The following TTC28 variants were observed in gnomAD, a reference collection of about 807,000 sequenced individuals.
The protein encoded by TTC28 is tetratricopeptide repeat domain 28.
In TTC28, 61 loss-of-function variants were observed where a neutral mutation model predicts 198.0. The ratio of observed to expected loss-of-function variants is 0.31; its 90% CI spans 0.25 to 0.38. TTC28 has a LOEUF of 0.38. Among genes scored for constraint, TTC28 ranks in the 10% least tolerant of loss-of-function variants. The pLI, the probability that TTC28 is intolerant of heterozygous loss-of-function variation, is 1.00. For synonymous variants in TTC28, 1,171 were observed against 1,297.8 expected (o/e 0.90, Z 2.10); for missense variants, 2,678 against 3,164.0 (o/e 0.85, Z 3.69).
chr22:28,308,688 C>T (rs2045193275), intron 2 of TTC28, among the ~76,000 whole-genome samples: 1 of 152,128 alleles, frequency 6.6e-6, no homozygotes, highest in Non-Finnish European at 1.5e-5. Context: ...GTTTTGTTTT[C>T]TTAGAACGCT....
Position 28,531,624 on chromosome 22 carries a change from T to C in TTC28, c.381+97928A>G, listed in dbSNP as rs1222906500. ...AATATACATTCTTCTCAGCACCACATCACACTTATTCCAAAATTGACCACA... is the reference window on the plus strand; with the variant it reads ...AATATACATTCTTCTCAGCACCACACCACACTTATTCCAAAATTGACCACA... On this transcript the variant is annotated intron_variant, in intron 2 of 22. Transcript: ENST00000397906. 3.9e-5 allele frequency among the ~76,000 whole-genome samples: 6 copies of C among 152,208 alleles called. No individual in the cohort carries two copies. In the South Asian group the frequency reaches 1.0e-3, roughly 26 times the overall value.
intron 5 of TTC28, among the ~76,000 whole-genome samples, chr22:28,263,247 A>G (rs1423818224): frequency 6.6e-6 from 1 of 152,158 alleles, no homozygotes; most frequent in African/African-American, 2.4e-5. Flanking sequence ...ACATTCATTT[A>G]ATCTCTTTAA....
intron 1 of TTC28, among the ~76,000 whole-genome samples, chr22:28,657,671 G>C (rs566757561): frequency 2.0e-4 from 30 of 152,328 alleles, no homozygotes; most frequent in Admixed American, 7.8e-4. Context: ...TTGAGGTCAG[G>C]AGTTCAAGAC....
intron 12 of TTC28, among the ~76,000 whole-genome samples, chr22:28,048,755 T>C (rs1480434376): frequency 6.6e-6 from 1 of 152,020 alleles, no homozygotes; most frequent in African/African-American, 2.4e-5. Context: ...CTGCTCCATC[T>C]GAACCAAGCA....
intron 2 of TTC28, among the ~76,000 whole-genome samples, chr22:28,524,067 C>G (rs2048961564): frequency 6.6e-6 from 1 of 152,096 alleles, no homozygotes; most frequent in Non-Finnish European, 1.5e-5. Flanking sequence ...AAGGCAAATT[C>G]TGAGTAACTC....
chr22:28,284,008 C>T (rs566507514), intron 5 of TTC28, among the ~76,000 whole-genome samples: 1 of 152,236 alleles, frequency 6.6e-6, no homozygotes, highest in Admixed American at 6.5e-5. Flanking sequence ...CTCATAAGAA[C>T]CAAGGAGAGA....
intron 12 of TTC28, among the ~76,000 whole-genome samples, chr22:28,059,361 TAGTG>T (rs1569112696): frequency 6.6e-6 from 1 of 152,068 alleles, no homozygotes; most frequent in East Asian, 1.9e-4. Context: ...GATATTTTAG[TAGTG>T]TATTTAATTT....
At chr22:27,994,240 T>TC in intron 17 of TTC28, among the ~76,000 whole-genome samples, 1 of 151,988 alleles carries the variant, frequency 6.6e-6, no homozygotes, top group South Asian at 2.1e-4. Context: ...GTCCAGGAGT[T>TC]CAAGACAAGC....
At chr22:28,136,895 G>A (rs553812483) in intron 6 of TTC28, among the ~76,000 whole-genome samples, 1 of 152,268 alleles carries the variant, frequency 6.6e-6, no homozygotes, top group East Asian at 1.9e-4. Flanking sequence ...CTTTGCCGAG[G>A]AAGCTGGAAA....
intron 2 of TTC28, among the ~76,000 whole-genome samples, chr22:28,520,227 T>C (rs983408366): frequency 1.3e-4 from 20 of 152,144 alleles, no homozygotes; most frequent in Admixed American, 1.2e-3. Context: ...AAGATAATAA[T>C]GCTTATCCTT....
chr22:28,347,909 AT>A (rs1195978861), intron 2 of TTC28, among the ~76,000 whole-genome samples: 7 of 152,210 alleles, frequency 4.6e-5, no homozygotes, highest in Non-Finnish European at 1.0e-4. Context: ...TGTCTTACAT[AT>A]TTTGAGGAAG....
intron 2 of TTC28, among the ~76,000 whole-genome samples, chr22:28,416,719 G>C (rs2047172908): frequency 6.6e-6 from 1 of 152,128 alleles, no homozygotes; most frequent in Non-Finnish European, 1.5e-5. Flanking sequence ...ATTCGGGAAA[G>C]CATAGCACAC....
intron 5 of TTC28, among the ~76,000 whole-genome samples, chr22:28,276,381 A>G (rs968269964): frequency 2.0e-5 from 3 of 152,144 alleles, no homozygotes; most frequent in African/African-American, 7.2e-5. Context: ...TCATGACTAA[A>G]GTAATAGGAT....
Position 27,982,697 on chromosome 22 carries a change from G to C in TTC28, c.6970C>G (p.Leu2324Val). The C allele has an allele frequency of 6.4e-7, 1 of 1,551,704 alleles. No homozygotes were observed. Among genetic ancestry groups the C allele is most frequent in the Non-Finnish European group, 8.7e-7 (1 of 1,146,968 alleles). The change falls in exon 23 of 23, where the codon CTC becomes GTC. Residue 2324 changes from leucine (L) to valine (V), a missense_variant. By Grantham distance (32) the Leu-to-Val change is conservative. This residue lies in a region of TTC28 where 622 missense variants were observed against 656.0 expected (regional missense o/e 0.95). Coordinates refer to ENST00000397906, the MANE Select transcript of TTC28 (RefSeq NM_001145418.2). This position sits in a 1 kb window ranked among gnomAD's most constrained non-coding sequence, Gnocchi z 5.2. Reference sequence around the variant, plus strand: ...GCAGATCCAGCTGAGGAGTAGGAGAGAGCTGGGGAGGGTGCACTGCCAGCA... The same window carrying C: ...GCAGATCCAGCTGAGGAGTAGGAGACAGCTGGGGAGGGTGCACTGCCAGCA... ...SPAGSAPSPA[L>V]SYSSAGSARS...
At chr22:28,378,345 C>CAA (rs134525) in intron 2 of TTC28, among the ~76,000 whole-genome samples, 1,788 of 75,738 alleles carry the variant, frequency 0.024, 54 homozygotes, top group African/African-American at 0.082. Context: ...GACTCTGTCT[C>CAA]AAAAAAAAAA....
In TTC28 at chr22:28,264,289, T is replaced by C. The variant is rs574880523; in HGVS notation, c.933+31909A>G. ...CCTGCTGCCATGTAAGACATGCCCT[T>C]GCTCCTCCTTCACCTTCCACTATGA... On this transcript the variant is annotated intron_variant, in intron 5 of 22. Coordinates refer to ENST00000397906, the MANE Select transcript of TTC28 (RefSeq NM_001145418.2). Among the ~76,000 whole-genome samples, 27 of 152,242 alleles carry C rather than the reference T, an allele frequency of 1.8e-4. No individual in the cohort carries two copies. The South Asian group carries it at 3.7e-3, about 21-fold the overall frequency.
chr22:28,237,467 T>G (rs1929334036), intron 5 of TTC28, among the ~76,000 whole-genome samples: 5 of 152,184 alleles, frequency 3.3e-5, no homozygotes, highest in Admixed American at 3.3e-4. Context: ...CAGTCTACCT[T>G]TAAATAATAT....
chr22:28,339,154 G>T (rs1317130613), intron 2 of TTC28, among the ~76,000 whole-genome samples: 1 of 152,200 alleles, frequency 6.6e-6, no homozygotes, highest in African/African-American at 2.4e-5. Context: ...GGCCCTGTTT[G>T]CCTGGGTATC....
At chr22:28,345,749 C>T (rs529148330) in intron 2 of TTC28, among the ~76,000 whole-genome samples, 3 of 152,122 alleles carry the variant, frequency 2.0e-5, no homozygotes, top group South Asian at 2.1e-4. Flanking sequence ...ATTGGTTTTA[C>T]GAAAACAACA....
Sources: gnomAD v4.1 joint callset for allele counts (sites outside exome capture counted in the v4.1 genomes callset) on GRCh38, gnomAD v4.1.1 for gene constraint, gnomAD v4.1.1 regional missense constraint, Gnocchi (gnomAD v3.1) non-coding constraint, MANE v1.5 for transcripts, NCBI Gene and HGNC (gene_info 2026-07-23, HGNC 2026-07-21) for gene names.